The following ADNP variants were observed in gnomAD, a reference collection of about 807,000 sequenced individuals.
ADNP encodes the protein activity dependent neuroprotector homeobox, also known as activity-dependent neuroprotector homeobox protein.
A neutral mutation model predicts 84.9 loss-of-function variants in ADNP; 4 were observed. That is an observed-to-expected ratio of 0.05 (90% CI 0.02 to 0.11). The LOEUF is 0.11. Among genes scored for constraint, ADNP ranks in the 10% least tolerant of loss-of-function variants. The pLI is 1.00. For missense variants in ADNP, 1,132 were observed against 1,326.0 expected (o/e 0.85, Z 2.27); for synonymous variants, 554 against 468.1 (o/e 1.18, Z -2.37).
chr20:50,894,188 G>C lies in ADNP; in HGVS notation c.526C>G (p.Leu176Val). 1 of 1,614,096 alleles carries C rather than the reference G, an allele frequency of 6.2e-7. No individual in the cohort carries two copies. Among genetic ancestry groups the C allele is most frequent in the Non-Finnish European group, 8.5e-7 (1 of 1,179,954 alleles). Residue 176 changes from leucine (L) to valine (V), a missense_variant, in exon 6 of 6, where the codon CTT (leucine) becomes GTT (valine). Leu to Val is a conservative substitution (Grantham distance 32, BLOSUM62 1). Coordinates refer to ENST00000621696, the MANE Select transcript of ADNP (RefSeq NM_001282531.3). ...YCKKCTYRDP[L>V]YEIVRKHIYR... Reference sequence around the variant, plus strand: ...ATGTGCTTCCTAACTATTTCATAAAGAGGATCTCGGTAAGTGCACTTCTTA... The same window carrying C: ...ATGTGCTTCCTAACTATTTCATAAACAGGATCTCGGTAAGTGCACTTCTTA...
chr20:50,914,311 AT>A, intron 2 of ADNP: 1 of 691,054 alleles, frequency 1.4e-6, no homozygotes, highest in Non-Finnish European at 2.7e-6. Context: ...AAGGAGCAAT[AT>A]TTACATAGAG....
intron 5 of ADNP, among the ~76,000 whole-genome samples, chr20:50,896,576 C>T (rs1981418747): frequency 6.6e-6 from 1 of 152,128 alleles, no homozygotes. Flanking sequence ...AAACCAAAAA[C>T]TTTAAAAACA....
intron 2 of ADNP, among the ~76,000 whole-genome samples, chr20:50,913,182 G>C (rs1301796823): frequency 7.2e-6 from 1 of 139,382 alleles, no homozygotes; most frequent in African/African-American, 2.7e-5. Flanking sequence ...GAACCTAGGA[G>C]GTGGGGATTG....
chr20:50,903,017 C>G (rs1982135851), intron 4 of ADNP, among the ~76,000 whole-genome samples: 1 of 152,194 alleles, frequency 6.6e-6, no homozygotes, highest in Non-Finnish European at 1.5e-5. Flanking sequence ...TTAAGAAAAC[C>G]TGTTGTATGA....
intron 2 of ADNP, among the ~76,000 whole-genome samples, chr20:50,924,574 G>C (rs1052421969): frequency 6.6e-6 from 1 of 152,142 alleles, no homozygotes; most frequent in African/African-American, 2.4e-5. Context: ...TGTGAAACAA[G>C]GATAGTCCTG....
At chr20:50,899,789 TA>T (rs35430512) in intron 5 of ADNP, among the ~76,000 whole-genome samples, 33,925 of 130,712 alleles carry the variant, frequency 0.26, 4,036 homozygotes, top group Non-Finnish European at 0.29. Context: ...TTTAAAAAGT[TA>T]AAAAAAAAAA....
intron 2 of ADNP, among the ~76,000 whole-genome samples, chr20:50,923,427 C>T (rs1600994325): frequency 6.6e-6 from 1 of 152,180 alleles, no homozygotes; most frequent in African/African-American, 2.4e-5. Flanking sequence ...TTTTCAAAAG[C>T]GTTCTTGTAC....
At chr20:50,922,907 T>C (rs1168044033) in intron 2 of ADNP, among the ~76,000 whole-genome samples, 2 of 152,032 alleles carry the variant, frequency 1.3e-5, no homozygotes, top group Non-Finnish European at 2.9e-5. Flanking sequence ...AAAAGCTTCA[T>C]ATAGGAAACC....
intron 2 of ADNP, among the ~76,000 whole-genome samples, chr20:50,920,262 C>CAAAAAAA (rs56181933): frequency 2.0e-4 from 13 of 64,538 alleles, no homozygotes; most frequent in African/African-American, 3.2e-4. Flanking sequence ...ATTCCACCTC[C>CAAAAAAA]AAAAAAAAAA....
intron 5 of ADNP, among the ~76,000 whole-genome samples, chr20:50,896,760 A>G (rs1289449060): frequency 1.3e-5 from 2 of 150,050 alleles, no homozygotes; most frequent in Non-Finnish European, 3.0e-5. Context: ...CTTCTTCTGG[A>G]TAACTGCAGA....
chr20:50,914,462 C>T (rs1230948586), intron 2 of ADNP: 1 of 412,188 alleles, frequency 2.4e-6, no homozygotes, highest in Non-Finnish European at 4.6e-6. Flanking sequence ...TGGAAACTAA[C>T]ATACTTGGGC....
In ADNP at chr20:50,893,473, T is replaced by A. The variant is rs777604545; in HGVS notation, c.1241A>T (p.Gln414Leu). The A allele has an allele frequency of 3.1e-6, 5 of 1,613,828 alleles. No homozygotes were observed. Among genetic ancestry groups the A allele is most frequent in the East Asian group, 2.2e-5 (1 of 44,898 alleles). Reference sequence around the variant, plus strand: ...ACCTAACACTCTGGATGCCTGTGACTGAGAGAGGGAAGGAGACTTTAACTG... The same window carrying A: ...ACCTAACACTCTGGATGCCTGTGACAGAGAGAGGGAAGGAGACTTTAACTG... Reference protein sequence around the residue: ...SGQLKSPSLSQSQASRVLGQS... With the variant: ...SGQLKSPSLSLSQASRVLGQS... The change falls in exon 6 of 6, where the codon CAG becomes CTG. Residue 414 changes from glutamine to leucine, a missense_variant. Physicochemically the swap from Gln to Leu is moderately radical, Grantham distance 113 (BLOSUM62 -2). Transcript: ENST00000621696. The surrounding 1 kb of genome is among the most constrained non-coding windows in gnomAD (Gnocchi z 4.4).
At chr20:50,898,822 A>G (rs1288461006) in intron 5 of ADNP, among the ~76,000 whole-genome samples, 2 of 152,210 alleles carry the variant, frequency 1.3e-5, no homozygotes, top group African/African-American at 4.8e-5. Flanking sequence ...GCTGTTTTAA[A>G]AAGTAGGAGT....
intron 2 of ADNP, among the ~76,000 whole-genome samples, chr20:50,921,591 C>T (rs1048420790): frequency 2.0e-5 from 3 of 152,300 alleles, no homozygotes; most frequent in South Asian, 2.1e-4. Context: ...TGATACTTTC[C>T]GTATTCAGAT....
intron 3 of ADNP, chr20:50,904,258 A>G (rs1034530127): frequency 2.4e-6 from 1 of 420,068 alleles, no homozygotes. Context: ...CAGTGCACTC[A>G]TGGTTCATTG....
At chr20:50,915,051 C>G (rs1318494748) in intron 2 of ADNP, among the ~76,000 whole-genome samples, 6 of 151,634 alleles carry the variant, frequency 4.0e-5, no homozygotes, top group Non-Finnish European at 7.4e-5. Context: ...GTACCTATAT[C>G]GAGTCAGCTT....
At chr20:50,915,448 G>A (rs916816462) in intron 2 of ADNP, among the ~76,000 whole-genome samples, 17 of 152,324 alleles carry the variant, frequency 1.1e-4, no homozygotes, top group African/African-American at 4.1e-4. Flanking sequence ...ACAGCTTTAA[G>A]ATTGAGAGCC....
At chr20:50,899,431 G>T (rs1981737322) in intron 5 of ADNP, among the ~76,000 whole-genome samples, 1 of 152,010 alleles carries the variant, frequency 6.6e-6, no homozygotes, top group African/African-American at 2.4e-5. Context: ...GGCTGGTCTC[G>T]AACTCCTGAC....
rs187275267 is a variant in ADNP, at chr20:50,926,541, T to C, written c.-90+2110A>G. Among the ~76,000 whole-genome samples the C allele has an allele frequency of 3.3e-5, 5 of 152,336 alleles. No homozygotes were observed. The East Asian group carries it at 7.7e-4, about 23-fold the overall frequency. On this transcript the variant is annotated intron_variant, in intron 2 of 5. Transcript: ENST00000621696. ...CATAAAGTTTAATTCTGGTATTTTTTTACTACACTTAGATGTATTGTCCCC... is the reference window on the plus strand; with the variant it reads ...CATAAAGTTTAATTCTGGTATTTTTCTACTACACTTAGATGTATTGTCCCC...
Sources: allele counts gnomAD v4.1 joint callset (sites outside exome capture counted in the v4.1 genomes callset), GRCh38; gene constraint gnomAD v4.1.1; non-coding constraint Gnocchi (gnomAD v3.1); transcripts MANE v1.5; gene names NCBI Gene and HGNC (gene_info 2026-07-23, HGNC 2026-07-21).